The following KHDRBS2 variants were observed in gnomAD, a reference collection of about 807,000 sequenced individuals.
The protein encoded by KHDRBS2 is KH domain-containing, RNA-binding, signal transduction-associated protein 2.
KHDRBS2 carries 26 observed loss-of-function variants against 44.3 expected under a neutral mutation model. That is an observed-to-expected ratio of 0.59 (90% CI 0.43 to 0.81). The LOEUF is 0.81. Among genes scored for constraint, KHDRBS2 ranks in the 40% least tolerant of loss-of-function variants. The pLI, the probability that KHDRBS2 is intolerant of heterozygous loss-of-function variation, is 0.00. For missense variants in KHDRBS2, 476 were observed against 433.1 expected (o/e 1.10, Z -0.88); for synonymous variants, 194 against 151.1 (o/e 1.28, Z -2.08).
chr6:61,833,174 T>C (rs1044125184), intron 6 of KHDRBS2, among the ~76,000 whole-genome samples: 18 of 152,206 alleles, frequency 1.2e-4, no homozygotes, highest in Non-Finnish European at 2.6e-4. Context: ...TTACCTTAGC[T>C]ATCTCAGTGT....
At chr6:61,839,778 G>A (rs1310099086) in intron 6 of KHDRBS2, among the ~76,000 whole-genome samples, 3 of 152,046 alleles carry the variant, frequency 2.0e-5, no homozygotes, top group East Asian at 3.9e-4. Flanking sequence ...AAGCAGAAAT[G>A]CTGCCTGAAC....
At chr6:62,065,454 TA>T (rs70993198) in intron 2 of KHDRBS2, among the ~76,000 whole-genome samples, 76,819 of 151,184 alleles carry the variant, frequency 0.51, 19,899 homozygotes, top group Non-Finnish European at 0.55. Flanking sequence ...TATGCACCCA[TA>T]AAAAATGATG....
At chr6:62,090,576 T>A (rs1799315645) in intron 2 of KHDRBS2, among the ~76,000 whole-genome samples, 1 of 152,038 alleles carries the variant, frequency 6.6e-6, no homozygotes, top group Non-Finnish European at 1.5e-5. Flanking sequence ...TTTTTTAATT[T>A]TACTTATTTA....
the KHDRBS2 span, among the ~76,000 whole-genome samples, chr6:61,555,184 C>G: frequency 2.0e-5 from 3 of 152,076 alleles, no homozygotes; most frequent in African/African-American, 7.2e-5. Context: ...CTATATTATT[C>G]AGAAGTTTTG....
At chr6:61,908,042 T>G (rs1805346587) in intron 4 of KHDRBS2, among the ~76,000 whole-genome samples, 1 of 152,194 alleles carries the variant, frequency 6.6e-6, no homozygotes. Flanking sequence ...TGAGTGGTTA[T>G]AGTTTTATAG....
the KHDRBS2 span, among the ~76,000 whole-genome samples, chr6:61,572,333 A>G: frequency 6.6e-6 from 1 of 152,096 alleles, no homozygotes; most frequent in Non-Finnish European, 1.5e-5. Flanking sequence ...AATAAAAACA[A>G]TTGCCAACAA....
chr6:62,031,776 A>G (rs1055840392), intron 3 of KHDRBS2, among the ~76,000 whole-genome samples: 1 of 152,094 alleles, frequency 6.6e-6, no homozygotes, highest in African/African-American at 2.4e-5. Flanking sequence ...ACCAGTTGAT[A>G]CTTCTGCACC....
intron 2 of KHDRBS2, among the ~76,000 whole-genome samples, chr6:62,072,318 T>C (rs1795323970): frequency 6.6e-6 from 1 of 152,194 alleles, no homozygotes; most frequent in Non-Finnish European, 1.5e-5. Context: ...CTTTTCTTAA[T>C]TGAATATCCT....
rs1339966536 is a variant in KHDRBS2, at chr6:62,098,244, G to T, written c.220-50250C>A. 1.1e-3 allele frequency among the ~76,000 whole-genome samples: 143 copies of T among 127,772 alleles called. 1 individual carries two copies. Among genetic ancestry groups the T allele is most frequent in the African/African-American group, 3.1e-3 (106 of 34,648 alleles). The allele number at this position is 127,772 out of a possible 152,430, so 83.8% of individuals were successfully genotyped here. A position where few individuals can be genotyped will look rare whatever the true frequency, so the allele number is the denominator to read the frequency against. On this transcript the variant is annotated intron_variant, in intron 2 of 8. Transcript: ENST00000281156. The stretch of plus-strand genomic sequence containing the variant: ...ACCAGTGAGTTTTATAGCTTCAAAC[G>T]TTTTTTTTTTTTTTTTTGTTACAAG...
downstream of KHDRBS2, among the ~76,000 whole-genome samples, chr6:61,677,932 C>A (rs1380365425): frequency 1.3e-5 from 2 of 151,898 alleles, no homozygotes; most frequent in South Asian, 4.1e-4. Context: ...TGTCACTGCC[C>A]CCTTTTCCCC....
chr6:62,185,997 C>G (rs929050953), intron 1 of KHDRBS2, among the ~76,000 whole-genome samples: 10 of 151,982 alleles, frequency 6.6e-5, no homozygotes, highest in Non-Finnish European at 1.5e-5. Flanking sequence ...TTGTTCCTCC[C>G]CACCCATTCA....
At chr6:62,106,027 C>T (rs1182942424) in intron 2 of KHDRBS2, among the ~76,000 whole-genome samples, 17 of 152,230 alleles carry the variant, frequency 1.1e-4, no homozygotes, top group East Asian at 1.9e-4. Context: ...GCCTTCATTT[C>T]GTTATGTACC....
At chr6:62,236,816 C>A (rs1050471913) in intron 1 of KHDRBS2, among the ~76,000 whole-genome samples, 8 of 151,832 alleles carry the variant, frequency 5.3e-5, no homozygotes, top group African/African-American at 1.9e-4. Context: ...ATGTGCTTGG[C>A]GTAACTTACA....
At chr6:61,642,561 C>T in the KHDRBS2 span, among the ~76,000 whole-genome samples, 1 of 149,342 alleles carries the variant, frequency 6.7e-6, no homozygotes, top group Non-Finnish European at 1.5e-5. Context: ...ACTGGGGAGG[C>T]TGAGGTGGGA....
At chr6:62,234,081 A>G (rs536471634) in intron 1 of KHDRBS2, among the ~76,000 whole-genome samples, 1 of 152,238 alleles carries the variant, frequency 6.6e-6, no homozygotes, top group South Asian at 2.1e-4. Context: ...TGTTCAGAAA[A>G]CTAAATTCCA....
At chr6:62,106,327 G>T (rs1191068974) in intron 2 of KHDRBS2, among the ~76,000 whole-genome samples, 1 of 151,998 alleles carries the variant, frequency 6.6e-6, no homozygotes, top group Non-Finnish European at 1.5e-5. Context: ...CAATTCCAGG[G>T]GATCCTTGTT....
the KHDRBS2 span, among the ~76,000 whole-genome samples, chr6:61,592,427 G>T: frequency 6.6e-6 from 1 of 152,136 alleles, no homozygotes. Context: ...TTGTTATGCA[G>T]ATGAAGCCTC....
chr6:62,228,025 T>C (rs1832218642), intron 1 of KHDRBS2, among the ~76,000 whole-genome samples: 1 of 152,196 alleles, frequency 6.6e-6, no homozygotes, highest in Non-Finnish European at 1.5e-5. Flanking sequence ...ATCAGAATAA[T>C]GCTGGCCTCA....
intron 6 of KHDRBS2, among the ~76,000 whole-genome samples, chr6:61,869,735 T>C (rs866283709): frequency 6.6e-6 from 1 of 152,196 alleles, no homozygotes; most frequent in Middle Eastern, 3.4e-3. Flanking sequence ...GGGTGTCACC[T>C]TACCTGGGAA....
Sources: gnomAD v4.1 joint callset for allele counts (sites outside exome capture counted in the v4.1 genomes callset) on GRCh38, gnomAD v4.1.1 for gene constraint, MANE v1.5 for transcripts, NCBI Gene and HGNC (gene_info 2026-07-23, HGNC 2026-07-21) for gene names.